SLC35G2: variants seen among roughly 807,000 people sequenced by gnomAD.
SLC35G2 encodes the protein transmembrane protein 22.
In SLC35G2, 20 loss-of-function variants were observed where a neutral mutation model predicts 27.2. That is an observed-to-expected ratio of 0.74 (90% CI 0.52 to 1.07). The LOEUF is 1.07. Ranked by LOEUF, SLC35G2 falls within the 50% of genes least tolerant of loss-of-function variation. The probability of loss-of-function intolerance (pLI) is 0.00; values close to 1 mark genes in which losing one functional copy is unlikely to be tolerated. For missense variants in SLC35G2, 416 were observed against 493.3 expected, an observed-to-expected ratio of 0.84 and a Z score of 1.48; for synonymous variants, 148 against 165.3, an observed-to-expected ratio of 0.90 and a Z score of 0.80.
intron 1 of SLC35G2, among the ~76,000 whole-genome samples, chr3:136,829,156 A>C (rs1936661056): frequency 6.6e-6 from 1 of 152,026 alleles, no homozygotes; most frequent in Admixed American, 6.6e-5. Context: ...ACACACCACA[A>C]TTATAGTGTT....
chr3:136,838,246 C>CATATATATAT lies in SLC35G2; in HGVS notation c.-18-16169_-18-16160dup, dbSNP rs6148084. 9.7e-4 allele frequency: 137 copies of CATATATATAT among 140,974 alleles called. 2 individuals are homozygous for CATATATATAT. The highest frequency in any genetic ancestry group is 3.3e-3 in the African/African-American group (123 of 37,320). The allele number at this position is 140,974 out of a possible 1,614,324, so 8.7% of individuals were successfully genotyped here. A position where few individuals can be genotyped will look rare whatever the true frequency, so the allele number is the denominator to read the frequency against. On this transcript the variant is annotated intron_variant, in intron 1 of 1. Transcript: ENST00000446465. ...CTCTTCAATTTTGCAGTAGCATATA[C>CATATATATAT]ATATATATATATATATATATATATA...
chr3:136,855,031 C>T lies in SLC35G2; in HGVS notation c.571C>T (p.Pro191Ser), dbSNP rs1937923561. The T allele has an allele frequency of 6.2e-7, 1 of 1,614,224 alleles. No individual in the cohort carries two copies. The highest frequency in any genetic ancestry group is 1.1e-5 in the South Asian group (1 of 91,082). ...CAYTSFSIVP[P>S]SNGTTMWRAT... ...TTATACATCATTTTCAATAGTTCCT[C>T]CCAGCAATGGGACCACTATGTGGAG... is the stretch of plus-strand genomic sequence containing the variant. The change falls in exon 2 of 2, where the codon CCC (proline) becomes TCC (serine). Residue 191 changes from proline (P) to serine (S), a missense_variant. Transcript: ENST00000446465.
rs773256284 is a variant in SLC35G2, at chr3:136,854,962, CTCT to C, written c.507_509del (p.Phe170del). On this transcript the variant is annotated inframe_deletion, in exon 2 of 2. Transcript: ENST00000446465. ...TGGACCCAGTGGATACAGATTACGACTCTTCTTTTATGGTGTATGCAATGTCAT... is the reference window on the plus strand; with the variant it reads ...TGGACCCAGTGGATACAGATTACGACTCTTTTATGGTGTATGCAATGTCAT... 6 of 1,614,122 alleles carry C rather than the reference CTCT, an allele frequency of 3.7e-6. No homozygotes were observed. Among genetic ancestry groups the C allele is most frequent in the Non-Finnish European group, 5.1e-6 (6 of 1,180,024 alleles).
At chr3:136,822,885 A>C (rs921863709) in intron 1 of SLC35G2, among the ~76,000 whole-genome samples, 3 of 152,080 alleles carry the variant, frequency 2.0e-5, no homozygotes, top group Non-Finnish European at 4.4e-5. Context: ...AATGCAGATA[A>C]CTCTTCCATA....
At chr3:136,843,378 T>C (rs1474453558) in intron 1 of SLC35G2, 1 of 138,048 alleles carries the variant, frequency 7.2e-6, no homozygotes, top group East Asian at 2.2e-4. Flanking sequence ...GTGTGGTAGC[T>C]CAGGTGTGTA....
chr3:136,855,795 A>G lies in SLC35G2; in HGVS notation c.*96A>G, dbSNP rs1937996602. The G allele has an allele frequency of 4.3e-6, 4 of 919,948 alleles. No homozygotes were observed. The highest frequency in any genetic ancestry group is 6.8e-6 in the Non-Finnish European group (4 of 589,670). The allele number at this position is 919,948 out of a possible 1,614,324, so 57.0% of individuals were successfully genotyped here. Reference sequence around the variant, plus strand: ...ATGTCTTTTGTGTTATATAACTGACAGAGTGCTATAAAATATATAATATAT... The same window carrying G: ...ATGTCTTTTGTGTTATATAACTGACGGAGTGCTATAAAATATATAATATAT... On this transcript the variant is annotated 3_prime_UTR_variant, in exon 2 of 2. Coordinates refer to ENST00000446465, the MANE Select transcript of SLC35G2 (RefSeq NM_025246.3).
chr3:136,834,903 C>T (rs144562311), intron 1 of SLC35G2, among the ~76,000 whole-genome samples: 1 of 152,280 alleles, frequency 6.6e-6, no homozygotes, highest in Non-Finnish European at 1.5e-5. Context: ...ATTCTTCACC[C>T]AAGTTCTCCA....
intron 1 of SLC35G2, among the ~76,000 whole-genome samples, chr3:136,834,961 A>G (rs1042959129): frequency 1.3e-5 from 2 of 152,144 alleles, no homozygotes; most frequent in African/African-American, 4.8e-5. Flanking sequence ...CTTTTTCTGA[A>G]CCAATCGAAG....
chr3:136,838,316 G>A (rs1347694550), intron 1 of SLC35G2: 1 of 150,308 alleles, frequency 6.7e-6, no homozygotes, highest in Admixed American at 6.6e-5. Flanking sequence ...GCTTGTGCAT[G>A]CATGTTCTCC....
At chr3:136,826,231 G>T (rs1479599528) in intron 1 of SLC35G2, among the ~76,000 whole-genome samples, 4 of 151,622 alleles carry the variant, frequency 2.6e-5, no homozygotes, top group Admixed American at 2.0e-4. Context: ...AGAGACAGGG[G>T]TTTCACTGTG....
intron 1 of SLC35G2, among the ~76,000 whole-genome samples, chr3:136,835,114 A>C (rs1351856529): frequency 1.3e-5 from 2 of 152,132 alleles, no homozygotes; most frequent in Non-Finnish European, 2.9e-5. Flanking sequence ...TAATCCACAC[A>C]CCACATTCAA....
chr3:136,852,166 A>G (rs2108038433), intron 1 of SLC35G2, among the ~76,000 whole-genome samples: 1 of 152,300 alleles, frequency 6.6e-6, no homozygotes, highest in South Asian at 2.1e-4. Flanking sequence ...ATGATTTGAC[A>G]TGTCCTGGCA....
chr3:136,835,549 A>G (rs967568747), intron 1 of SLC35G2, among the ~76,000 whole-genome samples: 4 of 152,144 alleles, frequency 2.6e-5, no homozygotes, highest in Non-Finnish European at 5.9e-5. Context: ...ATTAATAAGT[A>G]TTTTGTAGGA....
At chr3:136,843,740 C>T (rs891179236) in intron 1 of SLC35G2, among the ~76,000 whole-genome samples, 4 of 151,914 alleles carry the variant, frequency 2.6e-5, no homozygotes, top group African/African-American at 9.7e-5. Flanking sequence ...CGAGACCAGC[C>T]TGGCCAACAT....
At chr3:136,830,823 T>C (rs918717728) in intron 1 of SLC35G2, among the ~76,000 whole-genome samples, 4 of 152,242 alleles carry the variant, frequency 2.6e-5, no homozygotes, top group African/African-American at 7.2e-5. Flanking sequence ...TCAATTCTGC[T>C]ATTAAGAGAC....
In SLC35G2 at chr3:136,819,538, G is replaced by C. The variant is rs6763369; in HGVS notation, c.-109G>C. 2 of 151,464 alleles carry C rather than the reference G, an allele frequency of 1.3e-5. No homozygotes were observed. Among genetic ancestry groups the C allele is most frequent in the Admixed American group, 1.3e-4 (2 of 15,230 alleles). 9.4% of individuals were successfully genotyped at this position (151,464 alleles called of 1,614,324 possible). ...ACGGCCCGGTTTCCCGTTTCTTTCC[G>C]CTGTCGCGTGTCTGGGCCCTCCTGC... On this transcript the variant is annotated 5_prime_UTR_variant, in exon 1 of 2. Coordinates refer to ENST00000446465, the MANE Select transcript of SLC35G2 (RefSeq NM_025246.3).
intron 1 of SLC35G2, among the ~76,000 whole-genome samples, chr3:136,823,578 A>G (rs1235834269): frequency 6.6e-6 from 1 of 151,250 alleles, no homozygotes; most frequent in Non-Finnish European, 1.5e-5. Flanking sequence ...TTTTGATTTG[A>G]TTTTTCTTTT....
chr3:136,825,150 A>ATTC (rs1936553624), intron 1 of SLC35G2, among the ~76,000 whole-genome samples: 3 of 152,244 alleles, frequency 2.0e-5, no homozygotes, highest in Admixed American at 6.5e-5. Flanking sequence ...AACAGTGGTG[A>ATTC]AAGTGGCCAT....
At position 136,855,636 on chromosome 3, in the gene SLC35G2, A is replaced by G. The variant is rs1032755783; in HGVS notation, c.1176A>G (p.Lys392=). The G allele has an allele frequency of 6.2e-7, 1 of 1,613,494 alleles. No homozygotes were observed. The highest frequency in any genetic ancestry group is 1.7e-5 in the Admixed American group (1 of 60,002). ...GTGTTTTTGTCCTTGCTGGCTATAA[A>G]CTTTACTGGAGGAATTTAAGAAAGC... is the stretch of plus-strand genomic sequence containing the variant. ...MISVFVLAGY[K]LYWRNLRKQD... Residue 392 remains lysine, a synonymous_variant, in exon 2 of 2, where the codon AAA becomes AAG. Coordinates refer to ENST00000446465, the MANE Select transcript of SLC35G2 (RefSeq NM_025246.3).
Sources: allele counts gnomAD v4.1 joint callset (sites outside exome capture counted in the v4.1 genomes callset), GRCh38; gene constraint gnomAD v4.1.1; transcripts MANE v1.5; gene names NCBI Gene and HGNC (gene_info 2026-07-23, HGNC 2026-07-21).